The following FER variants were observed in gnomAD, a reference collection of about 807,000 sequenced individuals.
The protein encoded by FER is FER tyrosine kinase.
Under a neutral mutation model 111.0 loss-of-function variants are expected in FER, and 63 were observed. The ratio of observed to expected loss-of-function variants is 0.57; its 90% CI spans 0.46 to 0.70. The LOEUF (loss-of-function observed/expected upper bound fraction) is 0.70. FER is among the 30% of genes least tolerant of loss of function. The pLI is 0.00. For missense variants in FER, 914 were observed against 954.0 expected (o/e 0.96, Z 0.55); for synonymous variants, 327 against 313.9 (o/e 1.04, Z -0.44).
chr5:109,167,304 A>C (rs1202009542), intron 17 of FER, among the ~76,000 whole-genome samples: 1 of 152,168 alleles, frequency 6.6e-6, no homozygotes, highest in East Asian at 1.9e-4. Flanking sequence ...AAAACTCCAA[A>C]GTAAATTGGA....
chr5:109,089,308 A>T (rs1484541545), intron 16 of FER, among the ~76,000 whole-genome samples: 1 of 152,196 alleles, frequency 6.6e-6, no homozygotes, highest in East Asian at 1.9e-4. Flanking sequence ...GTGAAATACC[A>T]CTAAGATGGA....
At chr5:108,752,023 T>C (rs573985830) in intron 1 of FER, among the ~76,000 whole-genome samples, 13 of 152,268 alleles carry the variant, frequency 8.5e-5, no homozygotes, top group African/African-American at 1.2e-4. Flanking sequence ...AATTTATAGA[T>C]CTCTGGATTG....
chr5:108,773,666 G>C (rs915366020), intron 2 of FER, among the ~76,000 whole-genome samples: 1 of 152,020 alleles, frequency 6.6e-6, no homozygotes, highest in Non-Finnish European at 1.5e-5. Flanking sequence ...ATGCATGCAT[G>C]TATCTTTATA....
chr5:109,013,962 A>C (rs1766676690), intron 13 of FER, among the ~76,000 whole-genome samples: 1 of 151,626 alleles, frequency 6.6e-6, no homozygotes, highest in South Asian at 2.1e-4. Context: ...GTTTGAGTTC[A>C]TTGTAGATTC....
At chr5:109,175,116 G>A (rs1416438138) in intron 17 of FER, among the ~76,000 whole-genome samples, 2 of 152,190 alleles carry the variant, frequency 1.3e-5, no homozygotes, top group Non-Finnish European at 2.9e-5. Context: ...TTATATTCAT[G>A]TGAAGAGAAA....
At chr5:109,073,779 T>TG (rs1476773257) in intron 16 of FER, among the ~76,000 whole-genome samples, 1 of 152,068 alleles carries the variant, frequency 6.6e-6, no homozygotes, top group East Asian at 1.9e-4. Flanking sequence ...AGTCAGCCTT[T>TG]GAAAAAAATC....
chr5:109,044,102 C>T (rs897052699), intron 14 of FER, among the ~76,000 whole-genome samples: 12 of 151,600 alleles, frequency 7.9e-5, no homozygotes, highest in Non-Finnish European at 1.6e-4. Flanking sequence ...TTTATCTTCT[C>T]GGTAATGTTT....
intron 16 of FER, chr5:109,051,905 T>G (rs1476616220): frequency 6.4e-6 from 10 of 1,570,996 alleles, no homozygotes; most frequent in East Asian, 2.2e-5. Context: ...CTTTTGCAAG[T>G]GTGAACAGCA....
In FER at chr5:108,752,334, CT is replaced by C. The variant is rs1301671676; in HGVS notation, c.-206+4335del. 5.3e-5 allele frequency among the ~76,000 whole-genome samples: 8 copies of C among 152,072 alleles called. No homozygotes were observed. In the East Asian group the frequency reaches 1.5e-3, roughly 29 times the overall value. On this transcript the variant is annotated intron_variant, in intron 1 of 19. Coordinates refer to ENST00000281092, the MANE Select transcript of FER (RefSeq NM_005246.4). ...GAAGAAAATGAAGTCACTCATCATT[CT>C]ACCATAATGATTTGAAAACTAACAA...
intron 3 of FER, among the ~76,000 whole-genome samples, chr5:108,801,382 A>G (rs533430333): frequency 6.6e-6 from 1 of 152,284 alleles, no homozygotes; most frequent in Admixed American, 6.5e-5. Context: ...TCAGTAACAC[A>G]TTTAATTATT....
At chr5:109,164,978 T>C (rs1756383182) in intron 17 of FER, among the ~76,000 whole-genome samples, 1 of 152,154 alleles carries the variant, frequency 6.6e-6, no homozygotes, top group African/African-American at 2.4e-5. Flanking sequence ...CTTTTGTAGA[T>C]TCCCTTTTTA....
intron 17 of FER, among the ~76,000 whole-genome samples, chr5:109,135,873 A>C (rs748319858): frequency 7.9e-5 from 12 of 152,286 alleles, no homozygotes; most frequent in Non-Finnish European, 8.8e-5. Context: ...AAAGAAAGCA[A>C]AAGCAACTCT....
intron 5 of FER, among the ~76,000 whole-genome samples, chr5:108,866,712 G>T (rs1485833708): frequency 1.3e-5 from 2 of 152,028 alleles, no homozygotes; most frequent in Non-Finnish European, 2.9e-5. Context: ...TTTCTGGGGA[G>T]AGGATTTATT....
At chr5:109,181,667 C>G (rs1021373835) in intron 18 of FER, among the ~76,000 whole-genome samples, 1 of 151,970 alleles carries the variant, frequency 6.6e-6, no homozygotes, top group Non-Finnish European at 1.5e-5. Flanking sequence ...GAAAAATTAC[C>G]TCATTATGGA....
chr5:109,102,882 G>A (rs1177650809), intron 17 of FER, among the ~76,000 whole-genome samples: 1 of 151,876 alleles, frequency 6.6e-6, no homozygotes, highest in African/African-American at 2.4e-5. Flanking sequence ...AGTGAATTGT[G>A]CTGTAGAACC....
chr5:108,956,235 A>G (rs1758410669), intron 12 of FER, among the ~76,000 whole-genome samples: 1 of 151,630 alleles, frequency 6.6e-6, no homozygotes, highest in South Asian at 2.1e-4. Flanking sequence ...TAGATAACCT[A>G]CCCTATTACA....
chr5:108,956,156 A>G (rs1205933051), intron 12 of FER, among the ~76,000 whole-genome samples: 1 of 151,700 alleles, frequency 6.6e-6, no homozygotes, highest in East Asian at 1.9e-4. Context: ...GTTGTTTCTA[A>G]TAATGTGTCA....
At chr5:108,783,875 C>A (rs1008809488) in intron 2 of FER, among the ~76,000 whole-genome samples, 2 of 152,044 alleles carry the variant, frequency 1.3e-5, no homozygotes, top group African/African-American at 2.4e-5. Flanking sequence ...GGAGGAGAGT[C>A]TTGGACATGT....
chr5:108,994,737 C>T (rs1763771910), intron 13 of FER, among the ~76,000 whole-genome samples: 1 of 151,966 alleles, frequency 6.6e-6, no homozygotes, highest in Non-Finnish European at 1.5e-5. Flanking sequence ...TATTCCTATC[C>T]ACGAGCATGG....
Sources: gnomAD v4.1 joint callset for allele counts (sites outside exome capture counted in the v4.1 genomes callset) on GRCh38, gnomAD v4.1.1 for gene constraint, MANE v1.5 for transcripts, NCBI Gene and HGNC (gene_info 2026-07-23, HGNC 2026-07-21) for gene names.